The following DSP variants were observed in gnomAD, a reference collection of about 807,000 sequenced individuals.
The protein encoded by DSP is 250/210 kDa paraneoplastic pemphigus antigen.
In DSP, 114 loss-of-function variants were observed where a neutral mutation model predicts 290.6. The observed-to-expected ratio is 0.39, with a 90% CI of 0.34 to 0.46. The LOEUF is 0.46. DSP is among the 20% of genes least tolerant of loss of function. The probability of loss-of-function intolerance (pLI) is 0.99; values close to 1 mark genes in which losing one functional copy is unlikely to be tolerated. For missense variants in DSP, 3,230 were observed against 3,495.8 expected (o/e 0.92, Z 1.92); for synonymous variants, 1,311 against 1,316.4 (o/e 1.00, Z 0.09).
chr6:7,567,481 T>C, intron 9 of DSP, 32 bp downstream of exon 9: 2 of 1,559,018 alleles, frequency 1.3e-6, no homozygotes, highest in South Asian at 1.1e-5. Flanking sequence ...TTTGTTGTTA[T>C]TTAGGTCTTA....
Position 7,580,435 on chromosome 6 carries a change from T to A in DSP, c.4245T>A (p.Thr1415=), listed in dbSNP as rs397516936. 1.2e-6 allele frequency: 2 copies of A among 1,613,388 alleles called. No homozygotes were observed. The highest frequency in any genetic ancestry group is 1.6e-4 in the Middle Eastern group (1 of 6,062). Residue 1415 remains threonine (T), a synonymous_variant, in exon 23 of 24, where the codon ACT becomes ACA. Transcript: ENST00000379802. The surrounding 1 kb of genome is among the most constrained non-coding windows in gnomAD (Gnocchi z 4.2). ...LSEEIKRLKN[T]LTQTTENLRR... ...AAGAAATAAAGAGGCTGAAGAACACTCTAACCCAGACCACAGAGAATCTCA... is the reference window on the plus strand; with the variant it reads ...AAGAAATAAAGAGGCTGAAGAACACACTAACCCAGACCACAGAGAATCTCA...
chr6:7,562,222 G>A (rs1287614123), intron 4 of DSP, among the ~76,000 whole-genome samples: 16 of 152,126 alleles, frequency 1.1e-4, no homozygotes, highest in Admixed American at 1.0e-3. Flanking sequence ...TGACTATTTA[G>A]TTTGGGGAAC....
rs1255880028 is a variant in DSP, at chr6:7,565,685, T to G, written c.939+165T>G. ...TCCTTCCTTCCTGAAAACTTCTCCG[T>G]GTGGAGGCCATTATCCTTAGCAAAC... On this transcript the variant is annotated intron_variant, in intron 7 of 23. Coordinates refer to ENST00000379802, the MANE Select transcript of DSP (RefSeq NM_004415.4). This position sits in a 1 kb window ranked among gnomAD's most constrained non-coding sequence, Gnocchi z 4.2. The G allele has an allele frequency of 7.9e-6, 7 of 887,454 alleles. 1 individual carries two copies. The highest frequency in any genetic ancestry group is 2.2e-5 in the Admixed American group (1 of 45,900). 55.0% of individuals were successfully genotyped at this position (887,454 alleles called of 1,614,324 possible).
rs780823789 is a variant in DSP, at chr6:7,577,833, A to G, written c.2932A>G (p.Ile978Val). 1.9e-6 allele frequency: 3 copies of G among 1,614,206 alleles called. No individual in the cohort carries two copies. The highest frequency in any genetic ancestry group is 4.5e-5 in the East Asian group (2 of 44,882). Residue 978 changes from isoleucine to valine, a missense_variant, in exon 21 of 24, where the codon ATA (isoleucine) becomes GTA (valine). Physicochemically the swap from Ile to Val is conservative, Grantham distance 29. Transcript: ENST00000379802. The part of the protein sequence containing the change: ...YTSGLETLLN[I>V]PIKRTMIQSP... ...CTCAGGACTGGAAACTCTGCTGAAC[A>G]TACCTATCAAGAGGACCATGATTCA...
Position 7,576,290 on chromosome 6 carries a change from C to A in DSP, c.2631-4C>A. The A allele has an allele frequency of 6.2e-7, 1 of 1,613,726 alleles. No individual in the cohort carries two copies. Among genetic ancestry groups the A allele is most frequent in the Non-Finnish European group, 8.5e-7 (1 of 1,179,748 alleles). On this transcript the variant is annotated splice_polypyrimidine_tract_variant and splice_region_variant and intron_variant, in intron 18 of 23. Coordinates refer to ENST00000379802, the MANE Select transcript of DSP (RefSeq NM_004415.4). ...ATGATTTTATTGTATCTATTTCCCC[C>A]CAGGTTATGGGACCTGGAGAAACAA...
At chr6:7,559,729 A>C (rs1758623040) in intron 4 of DSP, among the ~76,000 whole-genome samples, 2 of 152,166 alleles carry the variant, frequency 1.3e-5, no homozygotes, top group Admixed American at 1.3e-4. Context: ...GTGGGAGTTT[A>C]TGTGCTAAAT....
rs751776918 is a variant in DSP at position 7,566,366 on chromosome 6, T to C, written c.940-11T>C. 20 of 1,607,984 alleles carry C rather than the reference T, an allele frequency of 1.2e-5. No homozygotes were observed. The highest frequency in any genetic ancestry group is 1.7e-5 in the Non-Finnish European group (20 of 1,175,448). On this transcript the variant is annotated splice_polypyrimidine_tract_variant and intron_variant, in intron 7 of 23. Coordinates refer to ENST00000379802, the MANE Select transcript of DSP (RefSeq NM_004415.4). ...CTTGCTGCAAAGGATTTCTTATTTC[T>C]TCATTCACAGATACGCATGAGTCAA...
intron 1 of DSP, among the ~76,000 whole-genome samples, chr6:7,543,306 T>A (rs1054281258): frequency 6.6e-6 from 1 of 152,128 alleles, no homozygotes; most frequent in East Asian, 1.9e-4. Context: ...GCAAGCAGTT[T>A]TGAAGGCAGG....
rs372288373 is a variant in DSP, at chr6:7,581,253, C to T, written c.5063C>T (p.Ala1688Val). Residue 1688 changes from alanine to valine, a missense_variant, in exon 23 of 24, where the codon GCG (alanine) becomes GTG (valine). By Grantham distance (64) the Ala-to-Val change is moderately conservative. Around this residue, in one of 5 missense-constraint regions of DSP, gnomAD observed 1,714 missense variants for 1,844.5 expected, o/e 0.93. Coordinates refer to ENST00000379802, the MANE Select transcript of DSP (RefSeq NM_004415.4). ...TTGAGGAATGAGCATTTCCAGAAGG[C>T]GATAGAAGATAAAAGCAGAAGCTTA... ...AHLRNEHFQKAIEDKSRSLNE... is the reference protein window; with the variant it reads ...AHLRNEHFQKVIEDKSRSLNE... 2.6e-5 allele frequency: 42 copies of T among 1,613,854 alleles called. No individual in the cohort carries two copies. Among genetic ancestry groups the T allele is most frequent in the Middle Eastern group, 3.3e-4 (2 of 6,082 alleles).
At chr6:7,562,836 A>G in intron 5 of DSP, 56 bp downstream of exon 5, 2 of 1,610,180 alleles carry the variant, frequency 1.2e-6, no homozygotes, top group Non-Finnish European at 1.7e-6. Context: ...AGGATCGTGT[A>G]ATTACTCAAT....
rs730880083 is a variant in DSP at position 7,579,389 on chromosome 6, G to T, written c.3199G>T (p.Ala1067Ser). The change falls in exon 23 of 24, where the codon GCA becomes TCA. Residue 1067 changes from alanine to serine, a missense_variant. This residue lies in a region of DSP where 1,714 missense variants were observed against 1,844.5 expected (regional missense o/e 0.93). Coordinates refer to ENST00000379802, the MANE Select transcript of DSP (RefSeq NM_004415.4). This position sits in a 1 kb window ranked among gnomAD's most constrained non-coding sequence, Gnocchi z 4.1. ...GGATCAGAACCTGCAGAAATACCAGGCAGAGTGTTCCCAGTTCAAAGCGAA... is the reference window on the plus strand; with the variant it reads ...GGATCAGAACCTGCAGAAATACCAGTCAGAGTGTTCCCAGTTCAAAGCGAA... ...FLDQNLQKYQ[A>S]ECSQFKAKLA... 1.9e-6 allele frequency: 3 copies of T among 1,614,158 alleles called. No individual in the cohort carries two copies.
chr6:7,560,307 C>T (rs1193825160), intron 4 of DSP, among the ~76,000 whole-genome samples: 1 of 152,162 alleles, frequency 6.6e-6, no homozygotes, highest in Non-Finnish European at 1.5e-5. Flanking sequence ...TTTGTGTATT[C>T]TTTCCTAAGT....
chr6:7,548,850 T>G (rs1189957564), intron 1 of DSP, among the ~76,000 whole-genome samples: 1 of 152,214 alleles, frequency 6.6e-6, no homozygotes, highest in African/African-American at 2.4e-5. Flanking sequence ...GGTCTTTTGT[T>G]TGCCTTTGTT....
Position 7,582,290 on chromosome 6 carries a change from G to A in DSP, c.5380-352G>A, listed in dbSNP as rs1179101883. ...CTTCATTAAGTATGTTCATCTAGCT[G>A]TAACAGGTGAGATGTAGGTGTAGCA... is the stretch of plus-strand genomic sequence containing the variant. On this transcript the variant is annotated intron_variant, in intron 23 of 23. Coordinates refer to ENST00000379802, the MANE Select transcript of DSP (RefSeq NM_004415.4). This position sits in a 1 kb window ranked among gnomAD's most constrained non-coding sequence, Gnocchi z 4.2. 1.3e-5 allele frequency among the ~76,000 whole-genome samples: 2 copies of A among 149,786 alleles called. No individual in the cohort carries two copies. The highest frequency in any genetic ancestry group is 1.3e-4 in the Admixed American group (2 of 15,048).
chr6:7,554,709 A>G (rs1758453987), intron 1 of DSP, among the ~76,000 whole-genome samples: 1 of 152,144 alleles, frequency 6.6e-6, no homozygotes, highest in Admixed American at 6.5e-5. Context: ...CAGTGCTGTG[A>G]TCATAGCTCA....
intron 13 of DSP, 44 bp downstream of exon 13, chr6:7,570,607 G>T: frequency 6.2e-7 from 1 of 1,610,410 alleles, no homozygotes. Context: ...GGAGGGCAGC[G>T]CTGCCCCCCG....
intron 7 of DSP, 80 bp from the exon 8 acceptor site, chr6:7,566,297 C>G (rs1758861755): frequency 8.6e-7 from 1 of 1,168,168 alleles, no homozygotes; most frequent in Non-Finnish European, 1.3e-6. Flanking sequence ...TTTTGTATTT[C>G]ACTTTTAAAA....
chr6:7,557,363 C>G (rs1273365530), intron 2 of DSP, among the ~76,000 whole-genome samples: 1 of 152,154 alleles, frequency 6.6e-6, no homozygotes, highest in Admixed American at 6.5e-5. Flanking sequence ...TACAGTTAAC[C>G]AGGCAGAAGC....
chr6:7,565,959 A>C lies in DSP; in HGVS notation c.940-418A>C. ...GTTTACCTGTGTAACAAACCTGCACATGTATCCCTGAACTTAAAATAAAAG... is the reference window on the plus strand; with the variant it reads ...GTTTACCTGTGTAACAAACCTGCACCTGTATCCCTGAACTTAAAATAAAAG... On this transcript the variant is annotated intron_variant, in intron 7 of 23. Coordinates refer to ENST00000379802, the MANE Select transcript of DSP (RefSeq NM_004415.4). This position sits in a 1 kb window ranked among gnomAD's most constrained non-coding sequence, Gnocchi z 4.2. The C allele has an allele frequency of 6.0e-6, 2 of 331,308 alleles. No individual in the cohort carries two copies. Among genetic ancestry groups the C allele is most frequent in the South Asian group, 5.7e-5 (2 of 35,108 alleles). The allele number at this position is 331,308 out of a possible 1,614,324, so 20.5% of individuals were successfully genotyped here. A position where few individuals can be genotyped will look rare whatever the true frequency, so the allele number is the denominator to read the frequency against.
Sources: allele counts gnomAD v4.1 joint callset (sites outside exome capture counted in the v4.1 genomes callset), GRCh38; gene constraint gnomAD v4.1.1; regional missense constraint gnomAD v4.1.1; non-coding constraint Gnocchi (gnomAD v3.1); transcripts MANE v1.5; gene names NCBI Gene and HGNC (gene_info 2026-07-23, HGNC 2026-07-21).